Variants in TACC1 observed in about 807,000 individuals in gnomAD.
The protein encoded by TACC1 is transforming acidic coiled-coil containing protein 1.
TACC1 carries 48 observed loss-of-function variants against 84.4 expected under a neutral mutation model. That is an observed-to-expected ratio of 0.57 (90% CI 0.45 to 0.72). The LOEUF is 0.72. Ranked by LOEUF, TACC1 falls within the 30% of genes least tolerant of loss-of-function variation. The pLI is 0.00. For missense variants in TACC1, 920 were observed against 973.0 expected (o/e 0.95, Z 0.72); for synonymous variants, 372 against 376.3 (o/e 0.99, Z 0.13).
intron 5 of TACC1, among the ~76,000 whole-genome samples, chr8:38,830,470 G>A (rs1203010454): frequency 5.9e-5 from 9 of 152,048 alleles, no homozygotes; most frequent in Non-Finnish European, 1.2e-4. Flanking sequence ...ATGAGGCTTC[G>A]CCATGTTGGC....
At position 38,851,578 on chromosome 8, in the gene TACC1, C is replaced by T. The variant is rs1258751215; in HGVS notation, c.*3555C>T. On this transcript the variant is annotated 3_prime_UTR_variant, in exon 13 of 13. Coordinates refer to ENST00000317827, the MANE Select transcript of TACC1 (RefSeq NM_006283.3). ...AGTGGAGTGAAAGTTCTGAAGCCCC[C>T]TTTTAACTTCCTCTTGGTTTTTCAT... 14 of 195,348 alleles carry T rather than the reference C, an allele frequency of 7.2e-5. 1 individual carries two copies. The highest frequency in any genetic ancestry group is 1.1e-4 in the Non-Finnish European group (10 of 92,216). The allele number at this position is 195,348 out of a possible 1,614,324, so 12.1% of individuals were successfully genotyped here. A position where few individuals can be genotyped will look rare whatever the true frequency, so the allele number is the denominator to read the frequency against.
chr8:38,749,193 G>A (rs184438272), intron 3 of TACC1, among the ~76,000 whole-genome samples: 92 of 152,130 alleles, frequency 6.0e-4, no homozygotes, highest in Admixed American at 2.4e-3. Context: ...ACACATTCTG[G>A]GAAATACATA....
At chr8:38,827,994 G>T (rs1828479862) in intron 5 of TACC1, 1 of 153,490 alleles carries the variant, frequency 6.5e-6, no homozygotes, top group African/African-American at 2.4e-5. Context: ...CCGCTCCTAT[G>T]ACCCAGCCAC....
At chr8:38,773,569 TCTAG>T (rs1250153707) in intron 3 of TACC1, among the ~76,000 whole-genome samples, 2 of 114,694 alleles carry the variant, frequency 1.7e-5, no homozygotes, top group Non-Finnish European at 4.3e-5. Flanking sequence ...TATCTATCTA[TCTAG>T]CTAGCTATCT....
intron 11 of TACC1, 127 bp from the exon 12 acceptor site, chr8:38,846,572 C>G: frequency 8.9e-7 from 1 of 1,121,168 alleles, no homozygotes; most frequent in Non-Finnish European, 1.2e-6. Flanking sequence ...TGTTTTTTTT[C>G]TCTCATGCAG....
chr8:38,789,832 A>G (rs527841229), intron 2 of TACC1, among the ~76,000 whole-genome samples: 50 of 152,330 alleles, frequency 3.3e-4, no homozygotes, highest in African/African-American at 1.2e-3. Flanking sequence ...AGGACCAGCC[A>G]GGAGGTCAGT....
At chr8:38,832,871 C>G (rs1588084731) in intron 6 of TACC1, among the ~76,000 whole-genome samples, 1 of 152,198 alleles carries the variant, frequency 6.6e-6, no homozygotes, top group Admixed American at 6.5e-5. Context: ...TGCGAATTCT[C>G]CACAGCCACG....
chr8:38,794,348 G>A (rs574908585), intron 2 of TACC1, among the ~76,000 whole-genome samples: 1 of 151,948 alleles, frequency 6.6e-6, no homozygotes, highest in East Asian at 1.9e-4. Context: ...TGTTGCCCAG[G>A]CTGGTCTCGA....
intron 5 of TACC1, 59 bp from the exon 6 acceptor site, chr8:38,831,066 A>G (rs367738125): frequency 1.4e-4 from 219 of 1,525,352 alleles, no homozygotes; most frequent in Admixed American, 4.2e-4. Flanking sequence ...AGAGCCTTTC[A>G]CTAGGGAGGA....
At chr8:38,838,434 A>G in intron 7 of TACC1, 36 bp from the exon 8 acceptor site, 1 of 1,511,256 alleles carries the variant, frequency 6.6e-7, no homozygotes, top group Non-Finnish European at 9.2e-7. Context: ...GCAAATTGTA[A>G]TAGATTGGGT....
chr8:38,760,843 GTGTA>G (rs932582450), intron 3 of TACC1, among the ~76,000 whole-genome samples: 2 of 152,142 alleles, frequency 1.3e-5, no homozygotes, highest in Non-Finnish European at 2.9e-5. Context: ...TTTTGAAGTG[GTGTA>G]TATTAGTAAC....
chr8:38,810,412 A>T (rs1029982826), intron 2 of TACC1, among the ~76,000 whole-genome samples: 2 of 152,098 alleles, frequency 1.3e-5, no homozygotes, highest in East Asian at 3.9e-4. Context: ...ACCAGCGTGG[A>T]CAACATAATA....
chr8:38,794,593 AAC>A (rs1035217044), intron 2 of TACC1, among the ~76,000 whole-genome samples: 8 of 152,070 alleles, frequency 5.3e-5, no homozygotes, highest in African/African-American at 1.4e-4. Context: ...TGCTATAGAA[AAC>A]ACAGCATGGA....
chr8:38,766,596 A>T (rs1404222771), intron 3 of TACC1, among the ~76,000 whole-genome samples: 1 of 152,250 alleles, frequency 6.6e-6, no homozygotes. Flanking sequence ...ATCCCTTGAT[A>T]ATATGATCGA....
At chr8:38,787,826 C>A in intron 1 of TACC1, 83 bp downstream of exon 1, 1 of 1,295,168 alleles carries the variant, frequency 7.7e-7, no homozygotes, top group South Asian at 1.5e-5. Context: ...TGTGTGTGGT[C>A]GCCACCCGCG....
intron 6 of TACC1, among the ~76,000 whole-genome samples, chr8:38,833,074 T>C (rs895863522): frequency 4.6e-5 from 7 of 152,240 alleles, no homozygotes; most frequent in African/African-American, 1.7e-4. Context: ...TAAAGACATA[T>C]TAGATGGCCC....
intron 3 of TACC1, among the ~76,000 whole-genome samples, chr8:38,822,039 A>G (rs1032553940): frequency 2.0e-5 from 3 of 152,010 alleles, no homozygotes; most frequent in Admixed American, 1.3e-4. Flanking sequence ...TGGGCAACAT[A>G]GTGAGACACC....
chr8:38,745,604 C>T (rs909445395), intron 3 of TACC1: 13 of 589,220 alleles, frequency 2.2e-5, no homozygotes, highest in Admixed American at 1.4e-4. Context: ...AGTGCAGTGG[C>T]GCAATCTTGG....
chr8:38,800,389 A>G (rs1277154987), intron 2 of TACC1, among the ~76,000 whole-genome samples: 2 of 152,196 alleles, frequency 1.3e-5, no homozygotes, highest in East Asian at 1.9e-4. Context: ...AGGAAACCCT[A>G]TACCCATTAG....
Sources: allele counts gnomAD v4.1 joint callset (sites outside exome capture counted in the v4.1 genomes callset), GRCh38; gene constraint gnomAD v4.1.1; transcripts MANE v1.5; gene names NCBI Gene and HGNC (gene_info 2026-07-23, HGNC 2026-07-21).